The following RELN variants were observed in gnomAD, a reference collection of about 807,000 sequenced individuals.
RELN encodes the protein reelin.
Under a neutral mutation model 427.6 loss-of-function variants are expected in RELN, and 108 were observed. The observed-to-expected ratio is 0.25, with a 90% CI of 0.22 to 0.30. The LOEUF is 0.30. Ranked by LOEUF, RELN falls within the 10% of genes least tolerant of loss-of-function variation. The pLI is 1.00. For missense variants in RELN, 3,715 were observed against 4,302.8 expected (o/e 0.86, Z 3.82); for synonymous variants, 1,524 against 1,513.4 (o/e 1.01, Z -0.16).
chr7:103,959,838 G>A (rs773650291), intron 1 of RELN, among the ~76,000 whole-genome samples: 2 of 151,974 alleles, frequency 1.3e-5, no homozygotes, highest in African/African-American at 4.8e-5. Context: ...AGGCTCAAGC[G>A]ATCCTCTTGC....
chr7:103,815,157 GTAT>G (rs1792839575), intron 3 of RELN, among the ~76,000 whole-genome samples: 1 of 152,170 alleles, frequency 6.6e-6, no homozygotes, highest in African/African-American at 2.4e-5. Context: ...GTGCAGACAA[GTAT>G]TATAATAAGA....
chr7:103,944,844 G>A (rs1418684248), intron 1 of RELN, among the ~76,000 whole-genome samples: 1 of 152,070 alleles, frequency 6.6e-6, no homozygotes, highest in East Asian at 1.9e-4. Flanking sequence ...GTTTGATATG[G>A]CCCCAGGCTG....
rs531356153 is a variant in RELN, at chr7:103,627,678, G to C, written c.2702+2262C>G. The stretch of plus-strand genomic sequence containing the variant: ...TCAGAGAAGATCAGAAAGTCAAATC[G>C]ATTGCTCACATGTGGTTGTTAATAA... On this transcript the variant is annotated intron_variant, in intron 20 of 64. Coordinates refer to ENST00000428762, the MANE Select transcript of RELN (RefSeq NM_005045.4). 9.9e-5 allele frequency among the ~76,000 whole-genome samples: 15 copies of C among 152,270 alleles called. 1 individual carries two copies. The highest frequency in any genetic ancestry group is 2.6e-4 in the Admixed American group (4 of 15,300).
chr7:103,805,271 A>G (rs1200062984), intron 3 of RELN, among the ~76,000 whole-genome samples: 1 of 152,200 alleles, frequency 6.6e-6, no homozygotes, highest in Non-Finnish European at 1.5e-5. Flanking sequence ...CAGATGTGAA[A>G]GTGCTTTGTA....
At chr7:103,755,981 G>C (rs1023262562) in intron 4 of RELN, among the ~76,000 whole-genome samples, 5 of 152,002 alleles carry the variant, frequency 3.3e-5, no homozygotes, top group Admixed American at 6.6e-5. Context: ...GAAATAAACT[G>C]GTTAAATTAA....
At chr7:103,956,992 A>G (rs1022686894) in intron 1 of RELN, among the ~76,000 whole-genome samples, 2 of 152,218 alleles carry the variant, frequency 1.3e-5, no homozygotes, top group African/African-American at 4.8e-5. Context: ...AAGCACAGAC[A>G]CAGGTAACAG....
At chr7:103,727,691 C>T (rs1790247041) in intron 7 of RELN, among the ~76,000 whole-genome samples, 1 of 152,126 alleles carries the variant, frequency 6.6e-6, no homozygotes, top group Non-Finnish European at 1.5e-5. Context: ...TCTTCTATGG[C>T]TATGAACCAA....
chr7:103,642,913 A>G lies in RELN; in HGVS notation c.2003-2304T>C, dbSNP rs548652222. On this transcript the variant is annotated intron_variant, in intron 16 of 64. Transcript: ENST00000428762. ...AAATGCTACGCAAAATGTTCTACCAATGAAAAAACTCCATTTTAACCCCTT... is the reference window on the plus strand; with the variant it reads ...AAATGCTACGCAAAATGTTCTACCAGTGAAAAAACTCCATTTTAACCCCTT... Among the ~76,000 whole-genome samples, 6 of 152,232 alleles carry G rather than the reference A, an allele frequency of 3.9e-5. No individual in the cohort carries two copies. The South Asian group carries it at 1.2e-3, about 32-fold the overall frequency.
In RELN at chr7:103,594,334, G is replaced by A; in HGVS notation, c.3698C>T (p.Pro1233Leu). The A allele has an allele frequency of 6.2e-7, 1 of 1,613,810 alleles. No individual in the cohort carries two copies. The highest frequency in any genetic ancestry group is 8.5e-7 in the Non-Finnish European group (1 of 1,179,790). ...KQKQIIPVIN[P>L]TLPQNFYEKP... is the part of the protein sequence containing the mutation. Reference sequence around the variant, plus strand: ...ATAGGAGAATACCTGAGGTAAAGTTGGATTGATAACTGGGATGATCTGCTT... The same window carrying A: ...ATAGGAGAATACCTGAGGTAAAGTTAGATTGATAACTGGGATGATCTGCTT... Residue 1233 changes from proline (P) to leucine (L), a missense_variant, in exon 26 of 65, where the codon CCA (proline) becomes CTA (leucine). Coordinates refer to ENST00000428762, the MANE Select transcript of RELN (RefSeq NM_005045.4).
chr7:103,614,397 G>C (rs533757565), intron 20 of RELN, among the ~76,000 whole-genome samples: 29 of 152,360 alleles, frequency 1.9e-4, no homozygotes, highest in Non-Finnish European at 3.1e-4. Context: ...TAAGTAAAAG[G>C]TGGAAGGTGA....
intron 46 of RELN, among the ~76,000 whole-genome samples, chr7:103,534,600 G>A (rs1031634315): frequency 4.6e-5 from 7 of 151,978 alleles, no homozygotes; most frequent in African/African-American, 1.7e-4. Context: ...TGATCCTCCT[G>A]CCACAGCCTC....
intron 19 of RELN, among the ~76,000 whole-genome samples, chr7:103,630,892 C>A (rs1373788136): frequency 1.5e-5 from 2 of 129,418 alleles, no homozygotes; most frequent in Non-Finnish European, 3.1e-5. Context: ...AACTAATGAG[C>A]AAATAAAAAC....
At position 103,702,178 on chromosome 7, in the gene RELN, ACT is replaced by A. The variant is rs1834107667; in HGVS notation, c.806-1174_806-1173del. On this transcript the variant is annotated intron_variant, in intron 8 of 64. Transcript: ENST00000428762. ...TTATGCTACTTTAATTGTTGCTAAA[ACT>A]CTACTTTTCATGAGCAGCTGCTTAA... Among the ~76,000 whole-genome samples, 3 of 152,316 alleles carry A rather than the reference ACT, an allele frequency of 2.0e-5. No homozygotes were observed. In the South Asian group the frequency reaches 6.2e-4, roughly 32 times the overall value.
intron 1 of RELN, among the ~76,000 whole-genome samples, chr7:103,949,505 C>T (rs1329364127): frequency 1.3e-5 from 2 of 152,094 alleles, no homozygotes; most frequent in Non-Finnish European, 2.9e-5. Context: ...GGAAGAGACA[C>T]AAGACAGCTT....
intron 2 of RELN, among the ~76,000 whole-genome samples, chr7:103,879,132 G>A (rs1235186850): frequency 1.3e-5 from 2 of 152,216 alleles, no homozygotes; most frequent in African/African-American, 4.8e-5. Flanking sequence ...GCTGAGCTCT[G>A]CAGTTAGAGA....
At chr7:103,582,213 T>C (rs995621062) in intron 28 of RELN, among the ~76,000 whole-genome samples, 3 of 152,244 alleles carry the variant, frequency 2.0e-5, no homozygotes, top group Non-Finnish European at 2.9e-5. Context: ...ACTTGTCAAC[T>C]ATGAACTGCT....
chr7:103,575,504 A>G (rs773578947), intron 29 of RELN, 44 bp downstream of exon 29: 4 of 1,571,366 alleles, frequency 2.5e-6, no homozygotes, highest in Non-Finnish European at 3.5e-6. Context: ...ACTAGAGATG[A>G]CTATTTTACA....
chr7:103,568,503 G>A (rs2117193510), intron 31 of RELN, among the ~76,000 whole-genome samples: 1 of 152,300 alleles, frequency 6.6e-6, no homozygotes, highest in South Asian at 2.1e-4. Flanking sequence ...GTTGAATAAG[G>A]TGAGACCCAT....
At chr7:103,951,439 T>C (rs571599858) in intron 1 of RELN, among the ~76,000 whole-genome samples, 1 of 152,186 alleles carries the variant, frequency 6.6e-6, no homozygotes, top group Non-Finnish European at 1.5e-5. Context: ...ATATTGCACA[T>C]ACCACCAAAT....
Sources: allele counts gnomAD v4.1 joint callset (sites outside exome capture counted in the v4.1 genomes callset), GRCh38; gene constraint gnomAD v4.1.1; transcripts MANE v1.5; gene names NCBI Gene and HGNC (gene_info 2026-07-23, HGNC 2026-07-21).